The following UACA variants were observed in gnomAD, a reference collection of about 807,000 sequenced individuals.
The protein encoded by UACA is uveal autoantigen with coiled-coil domains and ankyrin repeats.
Under a neutral mutation model 160.5 loss-of-function variants are expected in UACA, and 112 were observed. The observed-to-expected ratio is 0.70, with a 90% confidence interval of 0.60 to 0.82. The LOEUF (loss-of-function observed/expected upper bound fraction) is 0.82, where lower values mean the gene tolerates loss of function less well. UACA is among the 40% of genes least tolerant of loss of function. The pLI, the probability that UACA is intolerant of heterozygous loss-of-function variation, is 0.00. For synonymous variants in UACA, 557 were observed against 568.4 expected (o/e 0.98, Z 0.29); for missense variants, 1,574 against 1,614.6 (o/e 0.97, Z 0.43).
intron 1 of UACA, among the ~76,000 whole-genome samples, chr15:70,712,478 A>T (rs373309426): frequency 5.3e-5 from 8 of 152,182 alleles, no homozygotes; most frequent in African/African-American, 1.9e-4. Context: ...TAAAAAGGAA[A>T]CCTAATCATA....
the UACA span, among the ~76,000 whole-genome samples, chr15:70,776,703 A>T: frequency 1.1e-4 from 16 of 152,264 alleles, no homozygotes; most frequent in African/African-American, 3.1e-4. Flanking sequence ...TGCTGGGATA[A>T]CAGGCGCGAG....
chr15:70,712,303 A>G (rs1379392875), intron 1 of UACA, among the ~76,000 whole-genome samples: 1 of 151,918 alleles, frequency 6.6e-6, no homozygotes, highest in Non-Finnish European at 1.5e-5. Context: ...TTACCTCCCC[A>G]TCTTACTGAA....
At chr15:70,768,024 A>T (rs1417484480), upstream of UACA, 1 of 152,238 alleles carries the variant, frequency 6.6e-6, no homozygotes, top group Admixed American at 6.5e-5. Flanking sequence ...CTTTAAAAGA[A>T]TCTGTATTTT....
chr15:70,741,588 A>G (rs1018867894), intron 1 of UACA, among the ~76,000 whole-genome samples: 7 of 152,268 alleles, frequency 4.6e-5, no homozygotes, highest in Non-Finnish European at 8.8e-5. Flanking sequence ...TTCTAATTTA[A>G]GCATGTGTAT....
upstream of UACA, chr15:70,768,467 G>A (rs1248364581): frequency 6.6e-6 from 1 of 152,196 alleles, no homozygotes; most frequent in Non-Finnish European, 1.5e-5. Context: ...GATAACCACT[G>A]TGTTTTCTTT....
chr15:70,671,185 TAA>T (rs1897127207), intron 14 of UACA, 94 bp from the exon 15 acceptor site: 1 of 916,434 alleles, frequency 1.1e-6, no homozygotes, highest in South Asian at 1.6e-5. Flanking sequence ...ATTATTCAAA[TAA>T]AAGAGAAGCA....
chr15:70,705,903 T>C (rs1407004593), intron 1 of UACA, among the ~76,000 whole-genome samples: 1 of 152,214 alleles, frequency 6.6e-6, no homozygotes, highest in Non-Finnish European at 1.5e-5. Context: ...CTGAGATTTC[T>C]GATGTGATAA....
At chr15:70,704,296 G>C (rs1007546734) in intron 1 of UACA, among the ~76,000 whole-genome samples, 2 of 152,158 alleles carry the variant, frequency 1.3e-5, no homozygotes, top group South Asian at 4.1e-4. Flanking sequence ...TTGTTCCCCA[G>C]TAAACTATCC....
chr15:70,660,570 G>A (rs562226384), intron 17 of UACA: 1 of 186,044 alleles, frequency 5.4e-6, no homozygotes, highest in Non-Finnish European at 1.1e-5. Flanking sequence ...TCCTTACCAT[G>A]CCTCTGAGAC....
At position 70,654,861 on chromosome 15, in the gene UACA, T is replaced by C. The variant is rs1190771773; in HGVS notation, c.*2195A>G. ...GTCCATTATCTATGTTCCGCTTGTTTACTAATTAAAAAGCTTTGGTCTTCA... is the reference window on the plus strand; with the variant it reads ...GTCCATTATCTATGTTCCGCTTGTTCACTAATTAAAAAGCTTTGGTCTTCA... On this transcript the variant is annotated 3_prime_UTR_variant, in exon 19 of 19. Transcript: ENST00000322954. The C allele has an allele frequency of 6.6e-6, 1 of 152,240 alleles. No homozygotes were observed. Among genetic ancestry groups the C allele is most frequent in the Non-Finnish European group, 1.5e-5 (1 of 68,046 alleles). The allele number at this position is 152,240 out of a possible 1,614,324, so 9.4% of individuals were successfully genotyped here.
At chr15:70,714,996 G>A (rs372050317) in intron 1 of UACA, among the ~76,000 whole-genome samples, 1 of 152,142 alleles carries the variant, frequency 6.6e-6, no homozygotes, top group Non-Finnish European at 1.5e-5. Context: ...ATTATAATGT[G>A]TATCATACAA....
chr15:70,717,130 C>T (rs1323437009), intron 1 of UACA, among the ~76,000 whole-genome samples: 1 of 151,900 alleles, frequency 6.6e-6, no homozygotes, highest in Non-Finnish European at 1.5e-5. Flanking sequence ...CTGAGGCAGG[C>T]GAATTGCTTG....
chr15:70,722,740 G>T (rs1453416974), intron 1 of UACA, among the ~76,000 whole-genome samples: 2 of 152,096 alleles, frequency 1.3e-5, no homozygotes, highest in Admixed American at 1.3e-4. Context: ...CTTAATATGA[G>T]TTCACTGGAA....
intron 1 of UACA, among the ~76,000 whole-genome samples, chr15:70,722,665 C>T (rs1899027485): frequency 6.6e-6 from 1 of 152,120 alleles, no homozygotes. Context: ...AATATCTAGA[C>T]ATACATTAAA....
Position 70,667,845 on chromosome 15 carries a change from C to T in UACA, c.2839G>A (p.Ala947Thr), listed in dbSNP as rs766776608. Reference sequence around the variant, plus strand: ...TTTCTGTAGTTGGCCAAGATTTCAGCATTACTATCCTGCACCTTTCTCATG... The same window carrying T: ...TTTCTGTAGTTGGCCAAGATTTCAGTATTACTATCCTGCACCTTTCTCATG... ...QSMRKVQDSN[A>T]EILANYRKGQ... The change falls in exon 16 of 19, where the codon GCT becomes ACT. Residue 947 changes from alanine to threonine, a missense_variant. Ala to Thr is a moderately conservative substitution (Grantham distance 58, BLOSUM62 0). Transcript: ENST00000322954. The T allele has an allele frequency of 1.9e-6, 3 of 1,613,904 alleles. No individual in the cohort carries two copies. Among genetic ancestry groups the T allele is most frequent in the Middle Eastern group, 1.6e-4 (1 of 6,082 alleles).
intron 1 of UACA, among the ~76,000 whole-genome samples, chr15:70,713,140 T>C (rs1302745148): frequency 1.3e-5 from 2 of 152,080 alleles, no homozygotes; most frequent in African/African-American, 4.8e-5. Context: ...GTCAGGAGAT[T>C]GAGACCATCC....
chr15:70,723,778 G>A (rs1381389119), intron 1 of UACA, among the ~76,000 whole-genome samples: 2 of 151,898 alleles, frequency 1.3e-5, no homozygotes, highest in African/African-American at 4.8e-5. Context: ...GACTACAGGT[G>A]CCTGCCACCA....
At chr15:70,750,619 A>C (rs62016953) in intron 1 of UACA, among the ~76,000 whole-genome samples, 27,933 of 152,048 alleles carry the variant, frequency 0.18, 3,978 homozygotes, top group African/African-American at 0.4. Context: ...ATAATCCCAA[A>C]ACTTCAAGAG....
intron 2 of UACA, among the ~76,000 whole-genome samples, chr15:70,698,845 C>G (rs1898225626): frequency 6.6e-6 from 1 of 152,108 alleles, no homozygotes; most frequent in African/African-American, 2.4e-5. Context: ...CCAACTGCTC[C>G]CCACCTACAA....
Sources: gnomAD v4.1 joint callset for allele counts (sites outside exome capture counted in the v4.1 genomes callset) on GRCh38, gnomAD v4.1.1 for gene constraint, MANE v1.5 for transcripts, NCBI Gene and HGNC (gene_info 2026-07-23, HGNC 2026-07-21) for gene names.